The following RERE variants were observed in gnomAD, a reference collection of about 807,000 sequenced individuals.
The protein encoded by RERE is arginine-glutamic acid dipeptide repeats protein.
RERE carries 40 observed loss-of-function variants against 146.1 expected under a neutral mutation model. The observed-to-expected ratio is 0.27, with a 90% CI of 0.21 to 0.36. The LOEUF (loss-of-function observed/expected upper bound fraction) is 0.36, where lower values mean the gene tolerates loss of function less well. Ranked by LOEUF, RERE falls within the 10% of genes least tolerant of loss-of-function variation. The pLI, the probability that RERE is intolerant of heterozygous loss-of-function variation, is 1.00. For missense variants in RERE, 1,933 were observed against 2,138.7 expected, an observed-to-expected ratio of 0.90 and a Z score of 1.90; for synonymous variants, 1,003 against 866.0, an observed-to-expected ratio of 1.16 and a Z score of -2.78.
At chr1:8,676,712 C>T (rs74647281) in intron 1 of RERE, among the ~76,000 whole-genome samples, 1,904 of 152,230 alleles carry the variant, frequency 0.013, 38 homozygotes, top group African/African-American at 0.044. Flanking sequence ...TCTGTGGTCC[C>T]CAGGGAGTTC....
intron 21 of RERE, 138 bp downstream of exon 21, chr1:8,355,962 G>T (rs1641273567): frequency 2.3e-6 from 2 of 879,900 alleles, no homozygotes; most frequent in African/African-American, 1.8e-5. Context: ...TTCCCCCACG[G>T]ACCCCCTGCA....
chr1:8,552,689 A>AAAC (rs1263701000), intron 6 of RERE, among the ~76,000 whole-genome samples: 1 of 152,264 alleles, frequency 6.6e-6, no homozygotes, highest in East Asian at 1.9e-4. Flanking sequence ...GAAAGAGAAC[A>AAAC]AACAGAGACT....
intron 4 of RERE, among the ~76,000 whole-genome samples, chr1:8,586,038 C>T (rs1428609130): frequency 6.6e-6 from 1 of 152,124 alleles, no homozygotes; most frequent in Admixed American, 6.5e-5. Context: ...CTGGATCCAG[C>T]TACTAATACA....
chr1:8,452,479 G>A (rs1644400271), intron 11 of RERE, among the ~76,000 whole-genome samples: 1 of 152,146 alleles, frequency 6.6e-6, no homozygotes. Flanking sequence ...AATGCTGTTT[G>A]TTTAAAGTCA....
chr1:8,786,527 G>C, intron 1 of RERE: 1 of 785,692 alleles, frequency 1.3e-6, no homozygotes, highest in South Asian at 1.3e-5. Flanking sequence ...GTAATATATG[G>C]CTCTACAATC....
intron 11 of RERE, 55 bp from the exon 12 acceptor site, chr1:8,422,862 A>G (rs915878175): frequency 1.1e-5 from 14 of 1,250,464 alleles, no homozygotes; most frequent in Non-Finnish European, 1.6e-5. Flanking sequence ...ACAGGATGTC[A>G]GCAAAGCAAA....
At chr1:8,419,502 C>T (rs1472752335) in intron 12 of RERE, among the ~76,000 whole-genome samples, 1 of 152,154 alleles carries the variant, frequency 6.6e-6, no homozygotes, top group African/African-American at 2.4e-5. Flanking sequence ...TTGCTGCCCT[C>T]CAAGTTTTTG....
At chr1:8,395,950 T>C (rs2124432781) in intron 12 of RERE, among the ~76,000 whole-genome samples, 1 of 152,248 alleles carries the variant, frequency 6.6e-6, no homozygotes, top group East Asian at 1.9e-4. Context: ...ATTATTCTGC[T>C]CTGTAAGGCA....
At chr1:8,798,021 G>A (rs1183437837) in intron 1 of RERE, among the ~76,000 whole-genome samples, 1 of 152,216 alleles carries the variant, frequency 6.6e-6, no homozygotes, top group African/African-American at 2.4e-5. Context: ...CACTTTGGAA[G>A]GCCAAGGTGG....
At chr1:8,422,132 C>G (rs1310685073) in intron 12 of RERE, among the ~76,000 whole-genome samples, 1 of 152,216 alleles carries the variant, frequency 6.6e-6, no homozygotes, top group African/African-American at 2.4e-5. Flanking sequence ...CAGCTCTGAC[C>G]CCCAGCTTTG....
chr1:8,423,731 C>T lies in RERE; in HGVS notation c.1204-924G>A, dbSNP rs1417520393. ...GTGTGACCGCGGCGGGGCCGCGCGGCGCGGGGCCCGGGGGGCGCGGGGCTG... is the reference window on the plus strand; with the variant it reads ...GTGTGACCGCGGCGGGGCCGCGCGGTGCGGGGCCCGGGGGGCGCGGGGCTG... On this transcript the variant is annotated intron_variant, in intron 11 of 22. Transcript: ENST00000400908. This position sits in a 1 kb window ranked among gnomAD's most constrained non-coding sequence, Gnocchi z 5.4. 14 of 977,972 alleles carry T rather than the reference C, an allele frequency of 1.4e-5. No individual in the cohort carries two copies. Among genetic ancestry groups the T allele is most frequent in the Non-Finnish European group, 1.3e-5 (11 of 826,138 alleles). The allele number at this position is 977,972 out of a possible 1,614,324, so 60.6% of individuals were successfully genotyped here.
At position 8,491,268 on chromosome 1, in the gene RERE, C is replaced by T. The variant is rs111949767; in HGVS notation, c.1104+3795G>A. ...CCAGCCTGACCAACATGGCGAAACC[C>T]TGTCTCTACTAAAAATACAAAATTA... On this transcript the variant is annotated intron_variant, in intron 10 of 22. Transcript: ENST00000400908. Among the ~76,000 whole-genome samples, 128 of 151,906 alleles carry T rather than the reference C, an allele frequency of 8.4e-4. 11 individuals are homozygous for T. Among genetic ancestry groups the T allele is most frequent in the African/African-American group, 3.0e-3 (122 of 41,190 alleles).
chr1:8,786,084 T>C, intron 1 of RERE: 1 of 423,338 alleles, frequency 2.4e-6, no homozygotes. Context: ...TCCTCATCAG[T>C]CTGCCTGCTT....
chr1:8,808,765 G>A (rs1369014769), intron 1 of RERE, among the ~76,000 whole-genome samples: 2 of 152,128 alleles, frequency 1.3e-5, no homozygotes, highest in African/African-American at 2.4e-5. Flanking sequence ...ATTCAAGGAG[G>A]CAAAAGACAA....
At chr1:8,703,397 T>G (rs530733948) in intron 1 of RERE, among the ~76,000 whole-genome samples, 3 of 151,650 alleles carry the variant, frequency 2.0e-5, no homozygotes, top group South Asian at 2.1e-4. Context: ...CACTGCCACA[T>G]GCCGGTGACC....
intron 8 of RERE, among the ~76,000 whole-genome samples, chr1:8,498,009 A>G (rs78578612): frequency 0.011 from 1,623 of 152,358 alleles, 32 homozygotes; most frequent in African/African-American, 0.037. Flanking sequence ...AAGACAGTCA[A>G]TAGCAATATA....
intron 1 of RERE, among the ~76,000 whole-genome samples, chr1:8,748,901 A>G (rs1186844568): frequency 1.3e-5 from 2 of 152,196 alleles, no homozygotes; most frequent in East Asian, 1.9e-4. Context: ...CATATTTTAA[A>G]AAGAGGAGCT....
At chr1:8,393,299 A>G (rs999750762) in intron 12 of RERE, among the ~76,000 whole-genome samples, 3 of 152,226 alleles carry the variant, frequency 2.0e-5, no homozygotes, top group Non-Finnish European at 4.4e-5. Flanking sequence ...CGCCTCCATC[A>G]AGGGTAATAA....
intron 1 of RERE, among the ~76,000 whole-genome samples, chr1:8,712,170 G>A (rs1569608802): frequency 1.3e-5 from 2 of 152,158 alleles, no homozygotes; most frequent in East Asian, 3.8e-4. Flanking sequence ...CCACAGATTC[G>A]AGAATGTTTG....
Sources: allele counts gnomAD v4.1 joint callset (sites outside exome capture counted in the v4.1 genomes callset), GRCh38; gene constraint gnomAD v4.1.1; non-coding constraint Gnocchi (gnomAD v3.1); transcripts MANE v1.5; gene names NCBI Gene and HGNC (gene_info 2026-07-23, HGNC 2026-07-21).